Variants in TRIM5 observed in about 807,000 individuals in gnomAD.
TRIM5 encodes the protein tripartite motif containing 5.
A neutral mutation model predicts 35.6 loss-of-function variants in TRIM5; 31 were observed. The observed-to-expected ratio is 0.87, with a 90% CI of 0.65 to 1.18. The LOEUF (loss-of-function observed/expected upper bound fraction) is 1.18. Ranked by LOEUF, TRIM5 falls within the 50% of genes most tolerant of loss-of-function variation. The pLI is 0.00. For synonymous variants in TRIM5, 243 were observed against 215.6 expected, an observed-to-expected ratio of 1.13 and a Z score of -1.11; for missense variants, 609 against 591.6, an observed-to-expected ratio of 1.03 and a Z score of -0.31.
At chr11:5,628,806 AT>A in the TRIM5 span, among the ~76,000 whole-genome samples, 12 of 149,528 alleles carry the variant, frequency 8.0e-5, no homozygotes, top group East Asian at 3.9e-4. Flanking sequence ...GGCAAAGTTG[AT>A]TTTTTTTTTT....
chr11:5,673,892 T>C lies in TRIM5; in HGVS notation c.744+4312A>G, dbSNP rs919806175. Among the ~76,000 whole-genome samples the C allele has an allele frequency of 2.6e-5, 4 of 151,988 alleles. No homozygotes were observed. The East Asian group carries it at 7.7e-4, about 29-fold the overall frequency. On this transcript the variant is annotated intron_variant, in intron 4 of 7. Transcript: ENST00000380034. Reference sequence around the variant, plus strand: ...AAATGAAAACTCAAAAATTAAAATGTATGAAATATAGTTAAAGCAATTCAT... The same window carrying C: ...AAATGAAAACTCAAAAATTAAAATGCATGAAATATAGTTAAAGCAATTCAT...
At chr11:5,646,501 T>C in the TRIM5 span, among the ~76,000 whole-genome samples, 1 of 152,210 alleles carries the variant, frequency 6.6e-6, no homozygotes, top group Non-Finnish European at 1.5e-5. Flanking sequence ...CTGCCACCAC[T>C]AGACTACTGC....
the TRIM5 span, among the ~76,000 whole-genome samples, chr11:5,592,435 A>T: frequency 2.0e-5 from 3 of 152,188 alleles, no homozygotes; most frequent in Non-Finnish European, 4.4e-5. Context: ...AACTTGCCCC[A>T]AATCATACAG....
Position 5,664,253 on chromosome 11 carries a change from T to C in TRIM5, c.*556A>G. On this transcript the variant is annotated 3_prime_UTR_variant, in exon 8 of 8. Coordinates refer to ENST00000380034, the MANE Select transcript of TRIM5 (RefSeq NM_033034.3). Reference sequence around the variant, plus strand: ...AGAAAAGGAAATAAGCACAGCCATTTAAGTATGTTATTCACAGTTACACTG... The same window carrying C: ...AGAAAAGGAAATAAGCACAGCCATTCAAGTATGTTATTCACAGTTACACTG... 2 of 983,658 alleles carry C rather than the reference T, an allele frequency of 2.0e-6. No individual in the cohort carries two copies. The highest frequency in any genetic ancestry group is 2.4e-6 in the Non-Finnish European group (2 of 828,570). 60.9% of individuals were successfully genotyped at this position (983,658 alleles called of 1,614,324 possible). A position where few individuals can be genotyped will look rare whatever the true frequency, so the allele number is the denominator to read the frequency against.
downstream of TRIM5, among the ~76,000 whole-genome samples, chr11:5,661,041 C>CAAAAAAAAAAAAAAA (rs61394016): frequency 5.4e-5 from 2 of 37,142 alleles, no homozygotes; most frequent in Non-Finnish European, 4.3e-5. Context: ...GACTCCGTCT[C>CAAAAAAAAAAAAAAA]AAAAAAAAAA....
At chr11:5,610,841 A>T in the TRIM5 span, 10 of 1,614,082 alleles carry the variant, frequency 6.2e-6, no homozygotes, top group East Asian at 2.2e-4. Flanking sequence ...ACCGGAGACA[A>T]GTGAGGTTTG....
chr11:5,622,026 T>A, the TRIM5 span, among the ~76,000 whole-genome samples: 2 of 152,174 alleles, frequency 1.3e-5, no homozygotes, highest in Non-Finnish European at 2.9e-5. Flanking sequence ...ACTTTCTATA[T>A]TATCTGAGAT....
At chr11:5,673,373 A>C (rs1250198446) in intron 4 of TRIM5, among the ~76,000 whole-genome samples, 1 of 152,154 alleles carries the variant, frequency 6.6e-6, no homozygotes, top group Non-Finnish European at 1.5e-5. Context: ...ATATGTCAAG[A>C]AGAAATAACA....
intron 3 of TRIM5, among the ~76,000 whole-genome samples, chr11:5,678,668 AG>A (rs1376710707): frequency 6.6e-6 from 1 of 152,172 alleles, no homozygotes; most frequent in Admixed American, 6.5e-5. Flanking sequence ...ACCTGGATGT[AG>A]CTTACCTTTC....
chr11:5,643,145 G>T, the TRIM5 span: 2 of 1,456,570 alleles, frequency 1.4e-6, no homozygotes, highest in Non-Finnish European at 9.0e-7. Context: ...TTCTTGCAGT[G>T]GATGTCACAC....
chr11:5,652,504 GT>G, the TRIM5 span, among the ~76,000 whole-genome samples: 2 of 151,946 alleles, frequency 1.3e-5, no homozygotes, highest in Non-Finnish European at 2.9e-5. Context: ...CGGGCTCTGT[GT>G]TCTATTCCAT....
chr11:5,657,975 T>C, the TRIM5 span, among the ~76,000 whole-genome samples: 21 of 151,934 alleles, frequency 1.4e-4, no homozygotes, highest in Non-Finnish European at 2.5e-4. Flanking sequence ...AGCTGCTAAT[T>C]ATATGAGAGG....
At chr11:5,646,997 C>T in the TRIM5 span, among the ~76,000 whole-genome samples, 1 of 152,152 alleles carries the variant, frequency 6.6e-6, no homozygotes, top group Non-Finnish European at 1.5e-5. Context: ...GTGGAAACAT[C>T]ATTGCTATGG....
At chr11:5,665,740 C>T in intron 6 of TRIM5, 58 bp from the exon 7 acceptor site, 3 of 1,471,902 alleles carry the variant, frequency 2.0e-6, no homozygotes, top group Admixed American at 5.2e-5. Flanking sequence ...CACTGAAATT[C>T]ATTTTCTCTC....
chr11:5,615,240 A>T, the TRIM5 span, among the ~76,000 whole-genome samples: 15 of 152,320 alleles, frequency 9.8e-5, no homozygotes, highest in African/African-American at 3.6e-4. Context: ...AGAAATGTGT[A>T]TTCTGTGGTC....
the TRIM5 span, chr11:5,589,912 G>C: frequency 2.6e-5 from 4 of 153,774 alleles, no homozygotes; most frequent in Admixed American, 6.5e-5. Flanking sequence ...GTCTGCGCGC[G>C]GCGCTTGCGG....
At chr11:5,674,187 G>A (rs1018186965) in intron 4 of TRIM5, among the ~76,000 whole-genome samples, 2 of 152,132 alleles carry the variant, frequency 1.3e-5, no homozygotes, top group South Asian at 2.1e-4. Context: ...AATAAAAGAG[G>A]AGACATAAGT....
rs181135730 is a variant in TRIM5 at position 5,675,180 on chromosome 11, C to G, written c.744+3024G>C. On this transcript the variant is annotated intron_variant, in intron 4 of 7. Coordinates refer to ENST00000380034, the MANE Select transcript of TRIM5 (RefSeq NM_033034.3). The stretch of plus-strand genomic sequence containing the variant: ...AGTAGCTGGGATTACAGGTGCCCGC[C>G]ACCACGCCTGGCTAATTTTTTGTAT... Among the ~76,000 whole-genome samples the G allele has an allele frequency of 1.1e-4, 16 of 151,086 alleles. No individual in the cohort carries two copies. The East Asian group carries it at 3.2e-3, about 30-fold the overall frequency.
the TRIM5 span, among the ~76,000 whole-genome samples, chr11:5,599,402 T>TTTAA: frequency 6.6e-6 from 1 of 151,206 alleles, no homozygotes; most frequent in Non-Finnish European, 1.5e-5. Flanking sequence ...TATTTATTTA[T>TTTAA]TTATTTATTT....
Sources: allele counts gnomAD v4.1 joint callset (sites outside exome capture counted in the v4.1 genomes callset), GRCh38; gene constraint gnomAD v4.1.1; transcripts MANE v1.5; gene names NCBI Gene and HGNC (gene_info 2026-07-23, HGNC 2026-07-21).